Variants in GPHN observed in about 807,000 individuals in gnomAD.
GPHN encodes the protein gephyrin.
In GPHN, 17 loss-of-function variants were observed where a neutral mutation model predicts 95.5. That is an observed-to-expected ratio of 0.18 (90% CI 0.12 to 0.27). The LOEUF (loss-of-function observed/expected upper bound fraction) is 0.27. GPHN is among the 10% of genes least tolerant of loss of function. GPHN has a pLI of 1.00. For synonymous variants in GPHN, 320 were observed against 322.5 expected (o/e 0.99, Z 0.08); for missense variants, 660 against 978.1 (o/e 0.67, Z 4.34).
intron 2 of GPHN, among the ~76,000 whole-genome samples, chr14:66,713,745 G>GT (rs57122060): frequency 5.4e-4 from 80 of 147,852 alleles, no homozygotes; most frequent in East Asian, 9.8e-4. Flanking sequence ...TTTCTTTGTT[G>GT]TTTTTTTTTT....
chr14:66,594,258 C>T (rs2061878146), intron 1 of GPHN, among the ~76,000 whole-genome samples: 1 of 151,920 alleles, frequency 6.6e-6, no homozygotes, highest in South Asian at 2.1e-4. Flanking sequence ...TCTACAGATT[C>T]CATGCAACCC....
chr14:67,072,647 T>G (rs2076353900), intron 11 of GPHN, among the ~76,000 whole-genome samples: 1 of 152,312 alleles, frequency 6.6e-6, no homozygotes, highest in Middle Eastern at 3.4e-3. Flanking sequence ...TGAATGTGTA[T>G]AAGAATGTAA....
the GPHN span, among the ~76,000 whole-genome samples, chr14:67,343,144 C>G: frequency 6.6e-6 from 1 of 152,200 alleles, no homozygotes. Context: ...TTTTAAGTCA[C>G]CACTTTCCTA....
At chr14:67,272,321 C>T in the GPHN span, among the ~76,000 whole-genome samples, 3 of 152,180 alleles carry the variant, frequency 2.0e-5, no homozygotes, top group African/African-American at 7.2e-5. Flanking sequence ...TTCATCTTCC[C>T]ACCTTTGGTT....
intron 1 of GPHN, among the ~76,000 whole-genome samples, chr14:66,637,587 A>G (rs115376976): frequency 0.01 from 1,569 of 152,282 alleles, 23 homozygotes; most frequent in African/African-American, 0.034. Context: ...GTCTCATAAG[A>G]TAGTATTATA....
intron 1 of GPHN, among the ~76,000 whole-genome samples, chr14:66,656,434 G>A (rs2065309590): frequency 6.6e-6 from 1 of 152,144 alleles, no homozygotes; most frequent in Non-Finnish European, 1.5e-5. Flanking sequence ...AGAGTCGGTA[G>A]TGATATCTCT....
intron 2 of GPHN, among the ~76,000 whole-genome samples, chr14:66,726,443 A>T (rs2071244821): frequency 6.6e-6 from 1 of 152,234 alleles, no homozygotes; most frequent in Non-Finnish European, 1.5e-5. Context: ...TGAGAAGCAA[A>T]TCAACTCATT....
chr14:67,564,092 G>C, the GPHN span, among the ~76,000 whole-genome samples: 7 of 151,656 alleles, frequency 4.6e-5, no homozygotes, highest in Admixed American at 3.9e-4. Context: ...TAGTAGAGAC[G>C]GGGTTTCACC....
chr14:67,583,998 C>G, the GPHN span: 1 of 1,614,008 alleles, frequency 6.2e-7, no homozygotes, highest in Non-Finnish European at 8.5e-7. Context: ...ACACCAGGCA[C>G]CTGGCAGATA....
At chr14:66,956,059 C>G (rs2068486452) in intron 8 of GPHN, among the ~76,000 whole-genome samples, 1 of 152,060 alleles carries the variant, frequency 6.6e-6, no homozygotes, top group Non-Finnish European at 1.5e-5. Context: ...TTGATTCTTT[C>G]AATGTTTTTG....
chr14:67,168,417 T>C lies in GPHN; in HGVS notation c.1976-516T>C, dbSNP rs180951359. ...ATCCATAACAGTATTCATCTTCAGG[T>C]CCTTAAAACACTTCTTAAATCATTT... On this transcript the variant is annotated intron_variant, in intron 20 of 22. Transcript: ENST00000478722. 2.8e-4 allele frequency among the ~76,000 whole-genome samples: 43 copies of C among 152,306 alleles called. No individual in the cohort carries two copies. The East Asian group carries it at 7.7e-3, about 27-fold the overall frequency.
the GPHN span, among the ~76,000 whole-genome samples, chr14:67,436,053 G>A: frequency 6.6e-6 from 1 of 152,236 alleles, no homozygotes; most frequent in Non-Finnish European, 1.5e-5. Flanking sequence ...CTTCCCTTAG[G>A]GCTGATTCCC....
the GPHN span, among the ~76,000 whole-genome samples, chr14:67,689,430 A>G: frequency 2.0e-5 from 3 of 152,152 alleles, no homozygotes; most frequent in East Asian, 1.9e-4. Flanking sequence ...TCTCAAGCAT[A>G]TATTTCCCTC....
the GPHN span, among the ~76,000 whole-genome samples, chr14:67,703,722 C>A: frequency 6.6e-6 from 1 of 152,162 alleles, no homozygotes; most frequent in Non-Finnish European, 1.5e-5. Context: ...GTTGCCCAGG[C>A]TGGAGTGCAG....
Position 67,153,887 on chromosome 14 carries a change from A to G in GPHN, c.1837-5528A>G, listed in dbSNP as rs566141343. ...GGTAAACAAAAATATAAGAACAATG[A>G]TGATTCTCAGCCTTTATCACTATGT... On this transcript the variant is annotated intron_variant, in intron 18 of 22. Transcript: ENST00000478722. Among the ~76,000 whole-genome samples, 3 of 152,332 alleles carry G rather than the reference A, an allele frequency of 2.0e-5. No individual in the cohort carries two copies. The East Asian group carries it at 5.8e-4, about 29-fold the overall frequency.
the GPHN span, among the ~76,000 whole-genome samples, chr14:67,340,684 T>A: frequency 2.6e-5 from 4 of 151,994 alleles, no homozygotes; most frequent in African/African-American, 7.3e-5. Context: ...CCTCTCCCCC[T>A]CCCCCTCTCC....
intron 1 of GPHN, among the ~76,000 whole-genome samples, chr14:66,598,619 G>A (rs2140797959): frequency 6.6e-6 from 1 of 152,222 alleles, no homozygotes; most frequent in Admixed American, 6.5e-5. Flanking sequence ...GGCCAACATG[G>A]GCAGATCACG....
intron 2 of GPHN, among the ~76,000 whole-genome samples, chr14:66,773,352 CTTTT>C (rs542180875): frequency 4.1e-5 from 5 of 121,824 alleles, no homozygotes; most frequent in Admixed American, 8.6e-5. Context: ...TTGGGGAAAT[CTTTT>C]TTTTTTTTTT....
the GPHN span, among the ~76,000 whole-genome samples, chr14:67,231,719 G>A: frequency 5.3e-5 from 8 of 152,160 alleles, no homozygotes; most frequent in Non-Finnish European, 1.2e-4. Context: ...TGTAATCCCA[G>A]CACTTTGGGA....
Sources: allele counts gnomAD v4.1 joint callset (sites outside exome capture counted in the v4.1 genomes callset), GRCh38; gene constraint gnomAD v4.1.1; transcripts MANE v1.5; gene names NCBI Gene and HGNC (gene_info 2026-07-23, HGNC 2026-07-21).